PTPN2: variants seen among roughly 807,000 people sequenced by gnomAD.
PTPN2 encodes the protein protein tyrosine phosphatase non-receptor type 2.
A neutral mutation model predicts 57.3 loss-of-function variants in PTPN2; 19 were observed. That is an observed-to-expected ratio of 0.33 (90% CI 0.23 to 0.49). The LOEUF is 0.49. Ranked by LOEUF, PTPN2 falls within the 20% of genes least tolerant of loss-of-function variation. The pLI is 0.99. For synonymous variants in PTPN2, 153 were observed against 164.9 expected, an observed-to-expected ratio of 0.93 and a Z score of 0.55; for missense variants, 358 against 501.1, an observed-to-expected ratio of 0.71 and a Z score of 2.73.
At chr18:12,855,968 G>A (rs1404822893) in intron 2 of PTPN2, among the ~76,000 whole-genome samples, 9 of 152,220 alleles carry the variant, frequency 5.9e-5, no homozygotes, top group African/African-American at 2.2e-4. Flanking sequence ...TAAAGATCCT[G>A]CTGAAGTCAA....
chr18:12,804,518 GAA>G (rs796398549), intron 7 of PTPN2, among the ~76,000 whole-genome samples: 2 of 139,148 alleles, frequency 1.4e-5, no homozygotes, highest in South Asian at 2.3e-4. Context: ...AGCAGACTAA[GAA>G]AAAAAAAAGA....
intron 2 of PTPN2, among the ~76,000 whole-genome samples, chr18:12,848,299 T>C (rs1352981250): frequency 2.0e-5 from 3 of 152,226 alleles, no homozygotes; most frequent in African/African-American, 7.2e-5. Flanking sequence ...TGTCTGCACA[T>C]TTCTAGAGGG....
chr18:12,800,357 T>C (rs559398034), intron 8 of PTPN2, among the ~76,000 whole-genome samples: 2 of 152,056 alleles, frequency 1.3e-5, no homozygotes, highest in South Asian at 4.1e-4. Context: ...TAGTACTAGA[T>C]AAAAGGGGGG....
chr18:12,872,123 C>G (rs2044288926), intron 1 of PTPN2: 1 of 151,996 alleles, frequency 6.6e-6, no homozygotes, highest in Non-Finnish European at 1.5e-5. Context: ...AAGCAGTTCC[C>G]ACTGTTACGA....
chr18:12,788,614 C>G (rs1293699356), downstream of PTPN2, among the ~76,000 whole-genome samples: 2 of 151,654 alleles, frequency 1.3e-5, no homozygotes, highest in Non-Finnish European at 2.9e-5. Context: ...CAGACTGTTA[C>G]CCTTTAGAGA....
intron 2 of PTPN2, among the ~76,000 whole-genome samples, chr18:12,841,458 A>G (rs989863159): frequency 6.6e-6 from 1 of 152,238 alleles, no homozygotes; most frequent in Admixed American, 6.5e-5. Flanking sequence ...AACTTCATAC[A>G]CCAATACACT....
At chr18:12,855,301 A>G (rs2043547594) in intron 2 of PTPN2, among the ~76,000 whole-genome samples, 1 of 152,156 alleles carries the variant, frequency 6.6e-6, no homozygotes, top group South Asian at 2.1e-4. Flanking sequence ...CTGGGGTAGG[A>G]TATAAGGGTT....
At chr18:12,802,292 C>A in intron 7 of PTPN2, 141 bp from the exon 8 acceptor site, 1 of 668,862 alleles carries the variant, frequency 1.5e-6, no homozygotes, top group Non-Finnish European at 2.4e-6. Context: ...AAGAAAAAGG[C>A]ATTTTGCCAT....
chr18:12,819,502 G>A (rs578004472), intron 5 of PTPN2, among the ~76,000 whole-genome samples: 31 of 152,146 alleles, frequency 2.0e-4, no homozygotes, highest in South Asian at 8.3e-4. Context: ...AGGACTGACT[G>A]TACACAAGCA....
At position 12,854,844 on chromosome 18, in the gene PTPN2, C is replaced by T. The variant is rs1041907899; in HGVS notation, c.160+4320G>A. 3.3e-5 allele frequency among the ~76,000 whole-genome samples: 5 copies of T among 151,978 alleles called. No individual in the cohort carries two copies. The South Asian group carries it at 8.3e-4, about 25-fold the overall frequency. On this transcript the variant is annotated intron_variant, in intron 2 of 8. Coordinates refer to ENST00000309660, the MANE Select transcript of PTPN2 (RefSeq NM_002828.4). ...CCAAAGAGGAAAATCAGAAAAATTA[C>T]GGGGTTAGGAAAAAAGGCACGGTCG...
At chr18:12,874,508 C>A (rs1452980796) in intron 1 of PTPN2, among the ~76,000 whole-genome samples, 12 of 121,552 alleles carry the variant, frequency 9.9e-5, no homozygotes, top group African/African-American at 2.8e-4. Flanking sequence ...CTCTGCCCGG[C>A]CAGCCGCCCC....
chr18:12,840,564 G>T, intron 2 of PTPN2: 2 of 876,662 alleles, frequency 2.3e-6, no homozygotes, highest in Non-Finnish European at 3.5e-6. Context: ...TCGTCACTGG[G>T]TCACCTCTCT....
At chr18:12,787,038 A>G (rs1039036929) in intron 9 of PTPN2, 6 of 152,212 alleles carry the variant, frequency 3.9e-5, no homozygotes, top group African/African-American at 7.2e-5. Flanking sequence ...TTTTAAAATA[A>G]GCAACTCAAT....
chr18:12,814,871 G>A (rs1053023941), intron 6 of PTPN2, among the ~76,000 whole-genome samples: 1 of 151,394 alleles, frequency 6.6e-6, no homozygotes, highest in African/African-American at 2.4e-5. Context: ...ATCACTTGAG[G>A]CCAGGAGCTA....
intron 3 of PTPN2, among the ~76,000 whole-genome samples, chr18:12,836,112 T>C (rs1345454307): frequency 1.3e-5 from 2 of 152,238 alleles, no homozygotes; most frequent in African/African-American, 2.4e-5. Context: ...TTTGAATATT[T>C]AAAAATCTTT....
intron 1 of PTPN2, chr18:12,872,193 G>A (rs1203631088): frequency 6.6e-6 from 1 of 152,186 alleles, no homozygotes; most frequent in Non-Finnish European, 1.5e-5. Flanking sequence ...ACTGGGACTA[G>A]AGGGGTACAA....
chr18:12,813,591 T>C (rs923083546), intron 7 of PTPN2, among the ~76,000 whole-genome samples: 6 of 152,216 alleles, frequency 3.9e-5, no homozygotes, highest in African/African-American at 1.2e-4. Flanking sequence ...TCTTCTTATA[T>C]TATGCATCAA....
At chr18:12,840,009 A>G (rs999902380) in intron 2 of PTPN2, among the ~76,000 whole-genome samples, 1 of 152,150 alleles carries the variant, frequency 6.6e-6, no homozygotes, top group East Asian at 1.9e-4. Context: ...CTCCTTTTGG[A>G]AAGTTTTCCA....
At chr18:12,817,392 T>G in intron 5 of PTPN2, 27 bp from the exon 6 acceptor site, 1 of 1,571,754 alleles carries the variant, frequency 6.4e-7, no homozygotes, top group South Asian at 1.1e-5. Flanking sequence ...AAGGGAGAAG[T>G]TAGTTCTAAC....
Sources: gnomAD v4.1 joint callset for allele counts (sites outside exome capture counted in the v4.1 genomes callset) on GRCh38, gnomAD v4.1.1 for gene constraint, MANE v1.5 for transcripts, NCBI Gene and HGNC (gene_info 2026-07-23, HGNC 2026-07-21) for gene names.